Variants in NMBR observed in about 807,000 individuals in gnomAD.
NMBR encodes the protein neuromedin B receptor.
In NMBR, 16 loss-of-function variants were observed where a neutral mutation model predicts 20.5. The ratio of observed to expected loss-of-function variants is 0.78; its 90% CI spans 0.53 to 1.19. The LOEUF is 1.19. Ranked by LOEUF, NMBR falls within the 50% of genes most tolerant of loss-of-function variation. NMBR has a pLI of 0.00. For missense variants in NMBR, 582 were observed against 499.1 expected (o/e 1.17, Z -1.58); for synonymous variants, 212 against 196.6 (o/e 1.08, Z -0.65).
intron 2 of NMBR, among the ~76,000 whole-genome samples, chr6:142,080,639 C>T (rs1348485315): frequency 6.6e-6 from 1 of 152,044 alleles, no homozygotes; most frequent in Non-Finnish European, 1.5e-5. Context: ...AAAACTAATA[C>T]AAAAATAAAA....
chr6:142,101,511 T>C (rs1777564418), intron 1 of NMBR, among the ~76,000 whole-genome samples: 2 of 152,150 alleles, frequency 1.3e-5, no homozygotes, highest in Admixed American at 1.3e-4. Context: ...GATTATTTTC[T>C]TTGTAGGGGT....
In NMBR at chr6:142,078,903, C is replaced by A. The variant is rs777527367; in HGVS notation, c.423G>T (p.Arg141Ser). Residue 141 changes from arginine to serine, a missense_variant and splice_region_variant, in exon 3 of 4, where the codon AGG (arginine) becomes AGT (serine). Arg to Ser is a moderately radical substitution (Grantham distance 110). Transcript: ENST00000258042. The stretch of plus-strand genomic sequence containing the variant: ...CCATGGGGTTAACGATGGCTCTGTA[C>A]CTGGGAAAATGATACATCTCAAGTT... Reference protein sequence around the residue: ...VFTLTALSADRYRAIVNPMDM... With the variant: ...VFTLTALSADSYRAIVNPMDM... 1 of 1,572,846 alleles carries A rather than the reference C, an allele frequency of 6.4e-7. No homozygotes were observed.
At chr6:142,145,547 A>AAGAC (rs1448681162) in intron 1 of NMBR, among the ~76,000 whole-genome samples, 1 of 152,174 alleles carries the variant, frequency 6.6e-6, no homozygotes, top group Non-Finnish European at 1.5e-5. Context: ...AATTAATATA[A>AAGAC]AGACCCTAGA....
At chr6:142,134,951 G>T in intron 1 of NMBR, 1 of 507,796 alleles carries the variant, frequency 2.0e-6, no homozygotes, top group Non-Finnish European at 3.5e-6. Flanking sequence ...TCATGCTGCA[G>T]TTATTTATCA....
At chr6:142,079,902 A>G (rs1337208152) in intron 2 of NMBR, among the ~76,000 whole-genome samples, 1 of 152,176 alleles carries the variant, frequency 6.6e-6, no homozygotes, top group Non-Finnish European at 1.5e-5. Flanking sequence ...ACAATCCAAA[A>G]CTTTCTACAG....
chr6:142,133,263 A>AT, intron 1 of NMBR: 1 of 576,696 alleles, frequency 1.7e-6, no homozygotes, highest in Non-Finnish European at 3.1e-6. Context: ...CCTGAATTGC[A>AT]TAAGTCTTGG....
At chr6:142,091,220 C>A (rs565499908) in intron 1 of NMBR, among the ~76,000 whole-genome samples, 2 of 152,094 alleles carry the variant, frequency 1.3e-5, no homozygotes, top group African/African-American at 4.8e-5. Context: ...TGGAATGAAA[C>A]ACTATTTGTT....
chr6:142,111,364 G>A (rs973640166), intron 1 of NMBR, among the ~76,000 whole-genome samples: 2 of 151,952 alleles, frequency 1.3e-5, no homozygotes, highest in African/African-American at 4.8e-5. Flanking sequence ...ATTAGCAAGG[G>A]GCAATGAGTA....
intron 1 of NMBR, among the ~76,000 whole-genome samples, chr6:142,123,710 A>T (rs912236482): frequency 9.2e-5 from 14 of 152,052 alleles, no homozygotes; most frequent in African/African-American, 3.1e-4. Flanking sequence ...GGCTGGGGTG[A>T]TCATTAGCAT....
At chr6:142,090,674 A>G (rs111281041) in intron 1 of NMBR, among the ~76,000 whole-genome samples, 1 of 151,466 alleles carries the variant, frequency 6.6e-6, no homozygotes, top group East Asian at 1.9e-4. Flanking sequence ...ATTACATGTA[A>G]GTTGAGAAAT....
At chr6:142,098,351 G>C (rs1777499363) in intron 1 of NMBR, among the ~76,000 whole-genome samples, 1 of 152,062 alleles carries the variant, frequency 6.6e-6, no homozygotes. Flanking sequence ...ACAAGAAAAA[G>C]ACATAGGGTG....
At chr6:142,102,503 C>A (rs1777583924) in intron 1 of NMBR, among the ~76,000 whole-genome samples, 1 of 151,780 alleles carries the variant, frequency 6.6e-6, no homozygotes, top group South Asian at 2.1e-4. Context: ...ACAAGAAGTA[C>A]AAGCAACTGC....
chr6:142,123,901 T>C (rs192056079), intron 1 of NMBR, among the ~76,000 whole-genome samples: 2 of 152,088 alleles, frequency 1.3e-5, no homozygotes, highest in East Asian at 3.9e-4. Flanking sequence ...CGGATATTTT[T>C]TTAAAAGCCA....
At chr6:142,115,227 T>C (rs1395001966) in intron 1 of NMBR, among the ~76,000 whole-genome samples, 1 of 152,082 alleles carries the variant, frequency 6.6e-6, no homozygotes, top group East Asian at 1.9e-4. Context: ...AGGAATGAGA[T>C]CATAGAGAAA....
Position 142,075,867 on chromosome 6 carries a change from A to G in NMBR, c.954T>C (p.Cys318=). The change falls in exon 4 of 4, where the codon TGT becomes TGC. Residue 318 remains cysteine, a synonymous_variant. Transcript: ENST00000258042. ...VARVLSFGNS[C]VNPFALYLLS... is the part of the protein sequence containing the mutation. ...GTAGGTAAAGAGCAAATGGGTTGAC[A>G]CAAGAATTGCCAAAACTGAGAACCC... The G allele has an allele frequency of 6.2e-7, 1 of 1,614,086 alleles. No individual in the cohort carries two copies. Among genetic ancestry groups the G allele is most frequent in the South Asian group, 1.1e-5 (1 of 91,086 alleles).
At chr6:142,087,765 C>A (rs1007060374) in intron 2 of NMBR, among the ~76,000 whole-genome samples, 12 of 152,200 alleles carry the variant, frequency 7.9e-5, no homozygotes, top group Admixed American at 2.0e-4. Flanking sequence ...TAAGTAAGTT[C>A]TCCTCTTACT....
At position 142,074,881 on chromosome 6, in the gene NMBR, T is replaced by C. The variant is rs1425576471; in HGVS notation, c.*767A>G. 6.6e-6 allele frequency among the ~76,000 whole-genome samples: 1 copy of C among 152,072 alleles called. No homozygotes were observed. Among genetic ancestry groups the C allele is most frequent in the African/African-American group, 2.4e-5 (1 of 41,424 alleles). ...TATGATACCTATTTTACATTCATAA[T>C]ATAAATTATATTCATATCATATCTA... is the stretch of plus-strand genomic sequence containing the variant. On this transcript the variant is annotated 3_prime_UTR_variant, in exon 4 of 4. Coordinates refer to ENST00000258042, the MANE Select transcript of NMBR (RefSeq NM_002511.4).
chr6:142,088,452 G>C lies in NMBR; in HGVS notation c.207C>G (p.Ile69Met). Residue 69 changes from isoleucine (I) to methionine (M), a missense_variant, in exon 2 of 4, where the codon ATC (isoleucine) becomes ATG (methionine). By Grantham distance (10) the Ile-to-Met change is conservative. Coordinates refer to ENST00000258042, the MANE Select transcript of NMBR (RefSeq NM_002511.4). ...GGACGCTCCTCATGGCGCTGTTGGT[G>C]ATGAAGATCTTCACCAGCATGATGT... ...LGNIMLVKIFITNSAMRSVPN... is the reference protein window; with the variant it reads ...LGNIMLVKIFMTNSAMRSVPN... 1 of 1,614,060 alleles carries C rather than the reference G, an allele frequency of 6.2e-7. No homozygotes were observed.
chr6:142,113,713 G>C (rs1780745776), intron 1 of NMBR, among the ~76,000 whole-genome samples: 1 of 152,028 alleles, frequency 6.6e-6, no homozygotes, highest in Admixed American at 6.6e-5. Context: ...ATCCACAATA[G>C]ACAAGAATAT....
Sources: allele counts gnomAD v4.1 joint callset (sites outside exome capture counted in the v4.1 genomes callset), GRCh38; gene constraint gnomAD v4.1.1; transcripts MANE v1.5; gene names NCBI Gene and HGNC (gene_info 2026-07-23, HGNC 2026-07-21).